The following CSMD3 variants were observed in gnomAD, a reference collection of about 807,000 sequenced individuals.
The protein encoded by CSMD3 is CUB and Sushi multiple domains 3, also known as CUB and sushi domain-containing protein 3.
CSMD3 carries 177 observed loss-of-function variants against 435.2 expected under a neutral mutation model. The ratio of observed to expected loss-of-function variants is 0.41; its 90% CI spans 0.36 to 0.46. The LOEUF is 0.46. Among genes scored for constraint, CSMD3 ranks in the 20% least tolerant of loss-of-function variants. The probability of loss-of-function intolerance (pLI) is 0.34; values close to 1 mark genes in which losing one functional copy is unlikely to be tolerated. For missense variants in CSMD3, 4,265 were observed against 4,504.6 expected (o/e 0.95, Z 1.52); for synonymous variants, 1,656 against 1,520.5 (o/e 1.09, Z -2.07).
intron 13 of CSMD3, among the ~76,000 whole-genome samples, chr8:112,795,577 TCTC>T (rs2078809306): frequency 6.6e-6 from 1 of 152,120 alleles, no homozygotes; most frequent in African/African-American, 2.4e-5. Flanking sequence ...GGTCCAATCT[TCTC>T]CTACAATAGA....
At chr8:113,393,017 A>G (rs541929753) in intron 1 of CSMD3, among the ~76,000 whole-genome samples, 41 of 151,482 alleles carry the variant, frequency 2.7e-4, no homozygotes, top group African/African-American at 9.9e-4. Context: ...GTGTTTTTTT[A>G]CATATATATA....
intron 6 of CSMD3, among the ~76,000 whole-genome samples, chr8:112,997,472 T>G (rs779843339): frequency 1.3e-5 from 2 of 151,614 alleles, no homozygotes; most frequent in Admixed American, 1.3e-4. Context: ...GTATAAAAAT[T>G]TATATATGAA....
chr8:112,420,604 C>T (rs1455794816), intron 32 of CSMD3, among the ~76,000 whole-genome samples: 1 of 151,758 alleles, frequency 6.6e-6, no homozygotes, highest in Non-Finnish European at 1.5e-5. Flanking sequence ...TTTTTAATGA[C>T]ATATATTTGT....
chr8:112,530,152 C>T (rs530416055), intron 27 of CSMD3, among the ~76,000 whole-genome samples: 2 of 151,846 alleles, frequency 1.3e-5, no homozygotes, highest in African/African-American at 4.8e-5. Flanking sequence ...AGTGAAGAAA[C>T]CTTAAGGCTC....
intron 1 of CSMD3, among the ~76,000 whole-genome samples, chr8:113,318,973 C>G (rs551170915): frequency 4.0e-5 from 6 of 151,878 alleles, no homozygotes; most frequent in Non-Finnish European, 8.8e-5. Context: ...GTTGTTTCCA[C>G]ATTTTGACTA....
intron 2 of CSMD3, among the ~76,000 whole-genome samples, chr8:113,291,419 C>T (rs1403840701): frequency 2.6e-5 from 4 of 151,680 alleles, no homozygotes; most frequent in East Asian, 1.9e-4. Context: ...TTTAACACTG[C>T]ATTTAAGGAC....
In CSMD3 at chr8:112,291,553, A is replaced by C; in HGVS notation, c.8931T>G (p.Cys2977Trp). ...YFLFGSSVLI[C>W]QPNGQWDKPL... ...GTTTGTCCCATTGTCCATTTGGTTG[A>C]CATATCAAAACTGAAGATCCAAATA... Residue 2977 changes from cysteine to tryptophan, a missense_variant, in exon 56 of 71, where the codon TGT becomes TGG. Cys to Trp is a radical substitution (Grantham distance 215). Transcript: ENST00000297405. The C allele has an allele frequency of 6.2e-7, 1 of 1,611,562 alleles. No individual in the cohort carries two copies. Among genetic ancestry groups the C allele is most frequent in the Non-Finnish European group, 8.5e-7 (1 of 1,178,170 alleles).
intron 36 of CSMD3, among the ~76,000 whole-genome samples, chr8:112,385,882 A>C (rs1325982564): frequency 6.6e-6 from 1 of 151,662 alleles, no homozygotes; most frequent in Non-Finnish European, 1.5e-5. Flanking sequence ...TAGTGTATAT[A>C]GCTGAATAAT....
chr8:112,283,875 A>G (rs1818908527), intron 58 of CSMD3, among the ~76,000 whole-genome samples: 1 of 151,882 alleles, frequency 6.6e-6, no homozygotes, highest in Non-Finnish European at 1.5e-5. Context: ...GTACATTTCA[A>G]AATAGCTAGA....
intron 13 of CSMD3, among the ~76,000 whole-genome samples, chr8:112,746,150 GAATA>G (rs1246265900): frequency 6.6e-6 from 1 of 152,088 alleles, no homozygotes; most frequent in Non-Finnish European, 1.5e-5. Flanking sequence ...CAGATATTTG[GAATA>G]AATAAGAGAA....
At chr8:113,041,646 T>G (rs1391480654) in intron 5 of CSMD3, among the ~76,000 whole-genome samples, 1 of 152,182 alleles carries the variant, frequency 6.6e-6, no homozygotes, top group Non-Finnish European at 1.5e-5. Flanking sequence ...ACTAAGGATA[T>G]TAAACTTTTT....
At chr8:112,663,361 C>T (rs907264054) in intron 17 of CSMD3, among the ~76,000 whole-genome samples, 13 of 151,640 alleles carry the variant, frequency 8.6e-5, no homozygotes, top group African/African-American at 3.2e-4. Flanking sequence ...CTGGAAACCA[C>T]CATTCTCAGC....
In CSMD3 at chr8:112,255,205, C is replaced by T. The variant is rs571630014; in HGVS notation, c.10036+49G>A. On this transcript the variant is annotated intron_variant, in intron 62 of 70. Coordinates refer to ENST00000297405, the MANE Select transcript of CSMD3 (RefSeq NM_198123.2). Reference sequence around the variant, plus strand: ...TAAAGAAAACCATTAAATGTCACCCCTATTAATTACACAGTTACTGTGCAT... The same window carrying T: ...TAAAGAAAACCATTAAATGTCACCCTTATTAATTACACAGTTACTGTGCAT... 6.6e-5 allele frequency: 95 copies of T among 1,440,302 alleles called. 1 individual carries two copies. The South Asian group carries it at 1.0e-3, about 15-fold the overall frequency. 89.2% of individuals were successfully genotyped at this position (1,440,302 alleles called of 1,614,324 possible).
At chr8:112,824,230 C>A (rs902203426) in intron 12 of CSMD3, among the ~76,000 whole-genome samples, 1 of 151,858 alleles carries the variant, frequency 6.6e-6, no homozygotes, top group African/African-American at 2.4e-5. Flanking sequence ...GAATACAGCA[C>A]CCTGATGAGT....
chr8:113,194,633 C>T (rs971264837), intron 3 of CSMD3, among the ~76,000 whole-genome samples: 1 of 151,122 alleles, frequency 6.6e-6, no homozygotes, highest in Non-Finnish European at 1.5e-5. Flanking sequence ...TGGGGGAACA[C>T]GTGAGTGTGT....
chr8:113,407,916 A>G (rs1382094913), intron 1 of CSMD3, among the ~76,000 whole-genome samples: 1 of 152,202 alleles, frequency 6.6e-6, no homozygotes, highest in Non-Finnish European at 1.5e-5. Context: ...TATTTTAAGT[A>G]GCTTTTTGAA....
intron 10 of CSMD3, among the ~76,000 whole-genome samples, chr8:112,903,566 T>C (rs1304610371): frequency 6.6e-6 from 1 of 151,160 alleles, no homozygotes; most frequent in African/African-American, 2.4e-5. Flanking sequence ...GAAATGTTAA[T>C]AATTTTTGTT....
intron 11 of CSMD3, among the ~76,000 whole-genome samples, chr8:112,830,185 A>G (rs2079828442): frequency 6.6e-6 from 1 of 152,172 alleles, no homozygotes; most frequent in East Asian, 1.9e-4. Flanking sequence ...ACATATTTGC[A>G]TATATATTTT....
At chr8:113,106,948 A>G (rs1263512827) in intron 4 of CSMD3, among the ~76,000 whole-genome samples, 2 of 152,134 alleles carry the variant, frequency 1.3e-5, no homozygotes, top group East Asian at 3.9e-4. Flanking sequence ...TCAGAGTTGT[A>G]TAACCATCAC....
Sources: allele counts gnomAD v4.1 joint callset (sites outside exome capture counted in the v4.1 genomes callset), GRCh38; gene constraint gnomAD v4.1.1; transcripts MANE v1.5; gene names NCBI Gene and HGNC (gene_info 2026-07-23, HGNC 2026-07-21).